The following CADPS2 variants were observed in gnomAD, a reference collection of about 807,000 sequenced individuals.
The protein encoded by CADPS2 is calcium dependent secretion activator 2.
In CADPS2, 93 loss-of-function variants were observed where a neutral mutation model predicts 172.5. The observed-to-expected ratio is 0.54, with a 90% CI of 0.46 to 0.64. CADPS2 has a LOEUF of 0.64. CADPS2 is among the 30% of genes least tolerant of loss of function. The pLI is 0.00. For synonymous variants in CADPS2, 546 were observed against 555.2 expected, an observed-to-expected ratio of 0.98 and a Z score of 0.23; for missense variants, 1,420 against 1,565.9, an observed-to-expected ratio of 0.91 and a Z score of 1.57.
rs2068737259 is a variant in CADPS2, at chr7:122,581,038, C to G, written c.1335+141G>C. 9.8e-6 allele frequency: 6 copies of G among 610,026 alleles called. No individual in the cohort carries two copies. In the South Asian group the frequency reaches 1.3e-4, roughly 13 times the overall value. The allele number at this position is 610,026 out of a possible 1,614,324, so 37.8% of individuals were successfully genotyped here. A position where few individuals can be genotyped will look rare whatever the true frequency, so the allele number is the denominator to read the frequency against. On this transcript the variant is annotated intron_variant, in intron 7 of 29. Coordinates refer to ENST00000449022, the MANE Select transcript of CADPS2 (RefSeq NM_017954.11). ...AGATTTAATAAATTAGAGGTGTATACTGGGCTTGTGGGAAATAACAAATTA... is the reference window on the plus strand; with the variant it reads ...AGATTTAATAAATTAGAGGTGTATAGTGGGCTTGTGGGAAATAACAAATTA...
intron 6 of CADPS2, among the ~76,000 whole-genome samples, chr7:122,604,759 G>A (rs1356568984): frequency 6.6e-6 from 1 of 151,952 alleles, no homozygotes; most frequent in Non-Finnish European, 1.5e-5. Flanking sequence ...TATAATTTCT[G>A]GTGCATTTGA....
chr7:122,511,287 A>G (rs901942414), intron 9 of CADPS2, among the ~76,000 whole-genome samples: 1 of 148,618 alleles, frequency 6.7e-6, no homozygotes, highest in Non-Finnish European at 1.5e-5. Flanking sequence ...CTTCATTTCC[A>G]AACTCTCTTA....
intron 15 of CADPS2, among the ~76,000 whole-genome samples, chr7:122,450,102 A>G (rs1319816023): frequency 6.6e-6 from 1 of 152,234 alleles, no homozygotes; most frequent in Non-Finnish European, 1.5e-5. Context: ...ATCAGGAAGA[A>G]TAAGAAGATA....
rs1471008010 is a variant in CADPS2, at chr7:122,579,176, G to T, written c.1335+2003C>A. ...ATCTTCCAACCTATTGAGGTCATTAGTATAGATTAATGGCTCTCAGGCAGG... is the reference window on the plus strand; with the variant it reads ...ATCTTCCAACCTATTGAGGTCATTATTATAGATTAATGGCTCTCAGGCAGG... On this transcript the variant is annotated intron_variant, in intron 7 of 29. Transcript: ENST00000449022. Among the ~76,000 whole-genome samples the T allele has an allele frequency of 3.9e-5, 6 of 152,132 alleles. No homozygotes were observed. In the South Asian group the frequency reaches 8.3e-4, roughly 21 times the overall value.
At chr7:122,676,154 C>T (rs1419361196) in intron 2 of CADPS2, among the ~76,000 whole-genome samples, 1 of 152,072 alleles carries the variant, frequency 6.6e-6, no homozygotes, top group Non-Finnish European at 1.5e-5. Context: ...CTTGGACTGT[C>T]TAAATTATTA....
chr7:122,486,864 A>G (rs1384345145), intron 11 of CADPS2, among the ~76,000 whole-genome samples: 1 of 152,120 alleles, frequency 6.6e-6, no homozygotes, highest in Admixed American at 6.6e-5. Flanking sequence ...AGCAGCCATC[A>G]ATGTTGAGGC....
At chr7:122,851,694 G>A (rs1372166810) in intron 1 of CADPS2, among the ~76,000 whole-genome samples, 3 of 152,152 alleles carry the variant, frequency 2.0e-5, no homozygotes, top group African/African-American at 7.2e-5. Context: ...TATGGCAACA[G>A]TCAAGAGAGT....
At chr7:122,527,157 A>C (rs2061303088) in intron 8 of CADPS2, among the ~76,000 whole-genome samples, 1 of 152,156 alleles carries the variant, frequency 6.6e-6, no homozygotes, top group Admixed American at 6.6e-5. Flanking sequence ...TATTACCCTG[A>C]ATTTTAACTT....
At chr7:122,569,229 C>T (rs2066868447) in intron 7 of CADPS2, among the ~76,000 whole-genome samples, 1 of 152,094 alleles carries the variant, frequency 6.6e-6, no homozygotes, top group South Asian at 2.1e-4. Context: ...CATTCTTATA[C>T]ACCAATAACA....
chr7:122,493,880 G>C (rs10246078), intron 9 of CADPS2, among the ~76,000 whole-genome samples: 8,446 of 152,014 alleles, frequency 0.056, 307 homozygotes, highest in African/African-American at 0.063. Context: ...ATAGTTTGCT[G>C]TTTTTCTAAT....
chr7:122,495,891 C>G (rs986425815), intron 9 of CADPS2, among the ~76,000 whole-genome samples: 11 of 152,056 alleles, frequency 7.2e-5, no homozygotes, highest in Non-Finnish European at 7.4e-5. Flanking sequence ...GTTTACAATT[C>G]TTATTACCAA....
intron 16 of CADPS2, among the ~76,000 whole-genome samples, chr7:122,441,124 T>C (rs997079487): frequency 9.8e-5 from 15 of 152,288 alleles, no homozygotes; most frequent in Middle Eastern, 3.4e-3. Context: ...GATAAACTTG[T>C]TGGCATGAGG....
chr7:122,322,388 C>A (rs1021311737), intron 29 of CADPS2, among the ~76,000 whole-genome samples: 2 of 152,186 alleles, frequency 1.3e-5, no homozygotes, highest in African/African-American at 4.8e-5. Context: ...AAGCAATAAC[C>A]AGTTGGGTGA....
chr7:122,669,826 T>TG (rs897262052), intron 2 of CADPS2, among the ~76,000 whole-genome samples: 47 of 152,128 alleles, frequency 3.1e-4, no homozygotes, highest in African/African-American at 1.1e-3. Flanking sequence ...GGTGTCCCAC[T>TG]GGCACTCTAA....
At chr7:122,372,683 C>G (rs1453676454) in intron 25 of CADPS2, among the ~76,000 whole-genome samples, 1 of 152,160 alleles carries the variant, frequency 6.6e-6, no homozygotes, top group African/African-American at 2.4e-5. Flanking sequence ...TTATTTTCAT[C>G]TACTTTATGT....
chr7:122,443,154 C>T (rs570742894), intron 15 of CADPS2, among the ~76,000 whole-genome samples: 1 of 152,092 alleles, frequency 6.6e-6, no homozygotes, highest in Non-Finnish European at 1.5e-5. Flanking sequence ...TGTTACTGAT[C>T]CCCAGATTAC....
intron 1 of CADPS2, among the ~76,000 whole-genome samples, chr7:122,819,667 C>T (rs188544994): frequency 0.2 from 29,797 of 151,584 alleles, 2,896 homozygotes; most frequent in Middle Eastern, 0.3. Flanking sequence ...TCCCCACCTG[C>T]CCAGTTCCCT....
At chr7:122,567,771 G>A (rs1371816382) in intron 7 of CADPS2, among the ~76,000 whole-genome samples, 1 of 151,942 alleles carries the variant, frequency 6.6e-6, no homozygotes, top group Admixed American at 6.6e-5. Context: ...AGCCTCTGAT[G>A]AGTTAAAACA....
At chr7:122,839,461 G>A (rs1020186310) in intron 1 of CADPS2, among the ~76,000 whole-genome samples, 3 of 152,142 alleles carry the variant, frequency 2.0e-5, no homozygotes, top group African/African-American at 4.8e-5. Context: ...CTTCTGCACA[G>A]CAAAAGAAAC....
Sources: allele counts gnomAD v4.1 joint callset (sites outside exome capture counted in the v4.1 genomes callset), GRCh38; gene constraint gnomAD v4.1.1; transcripts MANE v1.5; gene names NCBI Gene and HGNC (gene_info 2026-07-23, HGNC 2026-07-21).